NLGN1: variants seen among roughly 807,000 people sequenced by gnomAD.
The protein encoded by NLGN1 is neuroligin-1.
NLGN1 carries 12 observed loss-of-function variants against 65.5 expected under a neutral mutation model. The ratio of observed to expected loss-of-function variants is 0.18; its 90% CI spans 0.12 to 0.30. NLGN1 has a LOEUF of 0.30. Among genes scored for constraint, NLGN1 ranks in the 10% least tolerant of loss-of-function variants. The probability of loss-of-function intolerance (pLI) is 1.00; values close to 1 mark genes in which losing one functional copy is unlikely to be tolerated. For missense variants in NLGN1, 750 were observed against 1,007.1 expected, an observed-to-expected ratio of 0.74 and a Z score of 3.46; for synonymous variants, 350 against 359.5, an observed-to-expected ratio of 0.97 and a Z score of 0.30.
chr3:174,039,352 C>T (rs375546326), intron 4 of NLGN1, among the ~76,000 whole-genome samples: 5 of 151,816 alleles, frequency 3.3e-5, no homozygotes, highest in East Asian at 3.9e-4. Flanking sequence ...GTTTGCTGCA[C>T]CTCTCAGTCC....
intron 3 of NLGN1, among the ~76,000 whole-genome samples, chr3:173,768,640 C>T (rs905732018): frequency 6.6e-6 from 1 of 152,144 alleles, no homozygotes; most frequent in Non-Finnish European, 1.5e-5. Context: ...TTCTATCAAA[C>T]TCCATTTATG....
intron 4 of NLGN1, among the ~76,000 whole-genome samples, chr3:174,211,028 C>T (rs1736368627): frequency 6.6e-6 from 1 of 152,136 alleles, no homozygotes; most frequent in Admixed American, 6.5e-5. Context: ...GAGTCTGTCC[C>T]TTCTGATGTT....
intron 4 of NLGN1, among the ~76,000 whole-genome samples, chr3:174,162,827 G>A (rs796437396): frequency 9.3e-5 from 14 of 150,958 alleles, no homozygotes; most frequent in African/African-American, 3.4e-4. Flanking sequence ...ATTAAATGAG[G>A]ATGAGAGAAA....
chr3:173,750,342 C>A (rs1776151885), intron 3 of NLGN1, among the ~76,000 whole-genome samples: 1 of 152,076 alleles, frequency 6.6e-6, no homozygotes, highest in African/African-American at 2.4e-5. Context: ...TTACACCATA[C>A]CCTTATGATT....
At chr3:173,864,459 G>A (rs935936596) in intron 4 of NLGN1, among the ~76,000 whole-genome samples, 3 of 152,062 alleles carry the variant, frequency 2.0e-5, no homozygotes, top group Non-Finnish European at 2.9e-5. Context: ...ATTATTACAC[G>A]TTGAAGGGGG....
At position 173,711,250 on chromosome 3, in the gene NLGN1, C is replaced by T. The variant is rs187902815; in HGVS notation, c.494-96430C>T. On this transcript the variant is annotated intron_variant, in intron 3 of 6. Coordinates refer to ENST00000457714, the Ensembl canonical transcript of NLGN1. ...ACAATAATATTTCACAGATATCTCACTTTAGATGCTTTATGGCTAAAAACC... is the reference window on the plus strand; with the variant it reads ...ACAATAATATTTCACAGATATCTCATTTTAGATGCTTTATGGCTAAAAACC... 9.9e-5 allele frequency among the ~76,000 whole-genome samples: 15 copies of T among 152,284 alleles called. No individual in the cohort carries two copies. In the East Asian group the frequency reaches 2.9e-3, roughly 29 times the overall value.
At chr3:173,432,008 TCAC>T (rs1295300350) in intron 1 of NLGN1, among the ~76,000 whole-genome samples, 2 of 152,220 alleles carry the variant, frequency 1.3e-5, no homozygotes, top group Non-Finnish European at 2.9e-5. Context: ...TTGAATTCTT[TCAC>T]TTAGTAATAT....
At chr3:173,580,756 C>A (rs941522460) in intron 2 of NLGN1, among the ~76,000 whole-genome samples, 4 of 151,988 alleles carry the variant, frequency 2.6e-5, no homozygotes, top group African/African-American at 4.8e-5. Context: ...TACACTTAAA[C>A]ATACTGAAAA....
intron 2 of NLGN1, among the ~76,000 whole-genome samples, chr3:173,511,764 GT>G (rs1236559774): frequency 6.6e-6 from 1 of 151,982 alleles, no homozygotes; most frequent in Admixed American, 6.6e-5. Context: ...TCTACTATGA[GT>G]TTACTGAAGG....
At chr3:173,948,218 CTTTA>C (rs1236190393) in intron 4 of NLGN1, among the ~76,000 whole-genome samples, 4 of 152,126 alleles carry the variant, frequency 2.6e-5, no homozygotes, top group Non-Finnish European at 5.9e-5. Context: ...ATTTTAATTT[CTTTA>C]TTTATATAAT....
At chr3:174,064,035 G>A (rs1247112445) in intron 4 of NLGN1, among the ~76,000 whole-genome samples, 7 of 152,024 alleles carry the variant, frequency 4.6e-5, no homozygotes, top group Non-Finnish European at 8.8e-5. Flanking sequence ...CCAGCTACTC[G>A]GGAGGCTGAG....
chr3:173,742,440 C>T (rs2150112934), intron 3 of NLGN1, among the ~76,000 whole-genome samples: 1 of 152,202 alleles, frequency 6.6e-6, no homozygotes, highest in East Asian at 1.9e-4. Context: ...CAAGCTTCTA[C>T]TATATTCTAT....
intron 4 of NLGN1, among the ~76,000 whole-genome samples, chr3:174,055,339 T>A (rs2152509218): frequency 6.6e-6 from 1 of 151,662 alleles, no homozygotes. Context: ...TGAAAAAAAA[T>A]TTTGAACCAA....
At chr3:173,957,096 T>G (rs976911185) in intron 4 of NLGN1, among the ~76,000 whole-genome samples, 1 of 151,972 alleles carries the variant, frequency 6.6e-6, no homozygotes, top group Admixed American at 6.6e-5. Context: ...GCAAAAAAAT[T>G]TGGAGGGTAA....
intron 4 of NLGN1, among the ~76,000 whole-genome samples, chr3:174,025,180 G>A (rs1728612622): frequency 6.6e-6 from 1 of 152,046 alleles, no homozygotes; most frequent in South Asian, 2.1e-4. Context: ...AGCATTAAAA[G>A]ACAAATTAAC....
chr3:173,420,507 A>G (rs147419457), intron 1 of NLGN1, among the ~76,000 whole-genome samples: 2 of 152,062 alleles, frequency 1.3e-5, no homozygotes, highest in Non-Finnish European at 2.9e-5. Context: ...TTCCAAGTCT[A>G]TGCTATTGTG....
intron 4 of NLGN1, among the ~76,000 whole-genome samples, chr3:173,950,004 T>A (rs1453078330): frequency 6.6e-6 from 1 of 152,210 alleles, no homozygotes; most frequent in African/African-American, 2.4e-5. Context: ...GTTCTGTGGT[T>A]ACTGTGACTT....
In NLGN1 at chr3:173,500,288, T is replaced by C. The variant is rs572617575; in HGVS notation, c.-321+65210T>C. Among the ~76,000 whole-genome samples, 3 of 152,314 alleles carry C rather than the reference T, an allele frequency of 2.0e-5. No individual in the cohort carries two copies. The South Asian group carries it at 6.2e-4, about 32-fold the overall frequency. On this transcript the variant is annotated intron_variant, in intron 2 of 6. Coordinates refer to ENST00000457714, the Ensembl canonical transcript of NLGN1. The stretch of plus-strand genomic sequence containing the variant: ...GGTTGTTGAATTTTGTCAAAGGCCT[T>C]TTCTGCATCTATTGAGGTAATCATG...
intron 4 of NLGN1, among the ~76,000 whole-genome samples, chr3:174,073,633 A>T (rs1346466114): frequency 6.6e-6 from 1 of 152,168 alleles, no homozygotes; most frequent in African/African-American, 2.4e-5. Context: ...TGAAACTCTT[A>T]ATTTACTTCT....
Sources: allele counts gnomAD v4.1 joint callset (sites outside exome capture counted in the v4.1 genomes callset), GRCh38; gene constraint gnomAD v4.1.1; transcripts MANE v1.5; gene names NCBI Gene and HGNC (gene_info 2026-07-23, HGNC 2026-07-21).